Variants in WDR7 observed in about 807,000 individuals in gnomAD.
WDR7 encodes WD repeat domain 7, also known as WD repeat-containing protein 7.
A neutral mutation model predicts 169.4 loss-of-function variants in WDR7; 46 were observed. The ratio of observed to expected loss-of-function variants is 0.27; its 90% CI spans 0.21 to 0.35. The LOEUF is 0.35. WDR7 is among the 10% of genes least tolerant of loss of function. The pLI, the probability that WDR7 is intolerant of heterozygous loss-of-function variation, is 1.00. For synonymous variants in WDR7, 612 were observed against 666.8 expected, an observed-to-expected ratio of 0.92 and a Z score of 1.27; for missense variants, 1,534 against 1,859.3, an observed-to-expected ratio of 0.83 and a Z score of 3.22.
intron 26 of WDR7, among the ~76,000 whole-genome samples, chr18:56,982,947 A>G (rs905936375): frequency 2.0e-4 from 30 of 152,220 alleles, no homozygotes; most frequent in African/African-American, 7.0e-4. Flanking sequence ...TCCTCAGCCA[A>G]TAAGAGAAAA....
intron 1 of WDR7, among the ~76,000 whole-genome samples, chr18:56,663,072 C>T (rs900914388): frequency 6.6e-6 from 1 of 152,246 alleles, no homozygotes; most frequent in Non-Finnish European, 1.5e-5. Context: ...CCTCTCACTG[C>T]GTCCTCACAG....
chr18:56,735,696 A>G (rs1285908208), intron 14 of WDR7, among the ~76,000 whole-genome samples: 1 of 152,188 alleles, frequency 6.6e-6, no homozygotes, highest in African/African-American at 2.4e-5. Flanking sequence ...AACTCTTTCT[A>G]TAAAGGGCTA....
chr18:56,756,450 T>G (rs1442182702), intron 14 of WDR7, 133 bp from the exon 15 acceptor site: 2 of 789,168 alleles, frequency 2.5e-6, no homozygotes, highest in African/African-American at 3.5e-5. Context: ...AGTATGTTAC[T>G]TTTCATGATA....
At chr18:56,753,566 C>T (rs568118748) in intron 14 of WDR7, among the ~76,000 whole-genome samples, 6 of 152,142 alleles carry the variant, frequency 3.9e-5, no homozygotes, top group African/African-American at 1.4e-4. Flanking sequence ...GACTAACTTC[C>T]TTGGCAGAAT....
intron 20 of WDR7, among the ~76,000 whole-genome samples, chr18:56,868,912 T>TA (rs1391513026): frequency 3.3e-5 from 5 of 152,290 alleles, no homozygotes; most frequent in Admixed American, 1.3e-4. Context: ...TTGGGATTAC[T>TA]AAAATCTCAA....
At position 56,939,329 on chromosome 18, in the gene WDR7, T is replaced by C. The variant is rs1428973283; in HGVS notation, c.4000T>C (p.Tyr1334His). Residue 1334 changes from tyrosine (Y) to histidine (H), a missense_variant, in exon 25 of 28, where the codon TAC becomes CAC. Physicochemically the swap from Tyr to His is moderately conservative, Grantham distance 83. Transcript: ENST00000254442. ...GTCAAAGGTTATGGACATCATTATG[T>C]ACTGCCTTGAAGGATCTTTAGTTAA... Reference protein sequence around the residue: ...LLVEVMDIIMYCLEGSLVKKK... With the variant: ...LLVEVMDIIMHCLEGSLVKKK... 6.3e-7 allele frequency: 1 copy of C among 1,576,128 alleles called. No individual in the cohort carries two copies. The highest frequency in any genetic ancestry group is 1.2e-5 in the South Asian group (1 of 82,632).
chr18:56,707,540 T>G (rs971900060), intron 12 of WDR7, among the ~76,000 whole-genome samples: 1 of 151,738 alleles, frequency 6.6e-6, no homozygotes, highest in Non-Finnish European at 1.5e-5. Flanking sequence ...CTAAGTACCA[T>G]TCTTTCCTGC....
At chr18:56,937,777 C>G (rs1282452617) in intron 23 of WDR7, among the ~76,000 whole-genome samples, 3 of 152,120 alleles carry the variant, frequency 2.0e-5, no homozygotes, top group East Asian at 3.8e-4. Flanking sequence ...GGGCACTGAT[C>G]CCCCTAGCAG....
At chr18:56,783,363 A>G (rs2044348593) in intron 19 of WDR7, among the ~76,000 whole-genome samples, 1 of 152,174 alleles carries the variant, frequency 6.6e-6, no homozygotes, top group South Asian at 2.1e-4. Context: ...ATTTGTGGGC[A>G]TTAACTTTAT....
intron 20 of WDR7, among the ~76,000 whole-genome samples, chr18:56,861,787 T>A (rs1373828245): frequency 6.6e-6 from 1 of 152,174 alleles, no homozygotes; most frequent in African/African-American, 2.4e-5. Context: ...ATAATATTGA[T>A]CTCTGCTCCT....
In WDR7 at chr18:56,656,226, T is replaced by G. The variant is rs373899600; in HGVS notation, c.-20+4650T>G. ...ATTTTACATTTCTACCAGGAATGTA[T>G]GAGAGATTGCATTTCTTTGCATCGT... On this transcript the variant is annotated intron_variant, in intron 1 of 27. Transcript: ENST00000254442. Among the ~76,000 whole-genome samples the G allele has an allele frequency of 2.6e-5, 4 of 152,122 alleles. No individual in the cohort carries two copies. The South Asian group carries it at 6.2e-4, about 24-fold the overall frequency.
chr18:56,856,569 A>G (rs1023815052), intron 20 of WDR7, among the ~76,000 whole-genome samples: 1 of 151,758 alleles, frequency 6.6e-6, no homozygotes, highest in Non-Finnish European at 1.5e-5. Flanking sequence ...ATAGAAAACT[A>G]TAATTTTTAA....
rs1449131456 is a variant in WDR7, at chr18:57,004,017, G to GTGTA, written c.4165-16724_4165-16721dup. The stretch of plus-strand genomic sequence containing the variant: ...GCATTATATTATACCCTCCACATGT[G>GTGTA]TGTATGTGTGTGTGCGCGCACACAC... On this transcript the variant is annotated intron_variant, in intron 26 of 27. Transcript: ENST00000254442. 3.3e-5 allele frequency among the ~76,000 whole-genome samples: 5 copies of GTGTA among 151,922 alleles called. No homozygotes were observed. In the East Asian group the frequency reaches 9.7e-4, roughly 30 times the overall value.
intron 22 of WDR7, among the ~76,000 whole-genome samples, chr18:56,933,421 T>A (rs2046917992): frequency 6.6e-6 from 1 of 152,250 alleles, no homozygotes; most frequent in Non-Finnish European, 1.5e-5. Flanking sequence ...TTCTGATAAC[T>A]CTGTAGATGT....
chr18:56,937,684 G>A (rs1568276102), intron 23 of WDR7, among the ~76,000 whole-genome samples: 1 of 152,100 alleles, frequency 6.6e-6, no homozygotes, highest in Non-Finnish European at 1.5e-5. Context: ...TAATTGTAAA[G>A]CACTTAGAGA....
intron 26 of WDR7, among the ~76,000 whole-genome samples, chr18:56,965,660 A>T (rs1003281398): frequency 2.0e-5 from 3 of 152,152 alleles, no homozygotes; most frequent in Non-Finnish European, 2.9e-5. Context: ...CTACAATGTC[A>T]GAATTGAGTA....
intron 20 of WDR7, among the ~76,000 whole-genome samples, chr18:56,841,172 G>A (rs576646555): frequency 1.2e-3 from 185 of 152,138 alleles, no homozygotes; most frequent in African/African-American, 4.1e-3. Context: ...CAGCCTGGGT[G>A]ACAGAGTGAG....
At chr18:56,853,538 A>C (rs1341769665) in intron 20 of WDR7, among the ~76,000 whole-genome samples, 1 of 152,166 alleles carries the variant, frequency 6.6e-6, no homozygotes, top group Admixed American at 6.6e-5. Flanking sequence ...TATTTCGTTT[A>C]ATCAGTCAGT....
At chr18:56,721,870 T>C (rs369994096) in intron 13 of WDR7, among the ~76,000 whole-genome samples, 2 of 152,248 alleles carry the variant, frequency 1.3e-5, no homozygotes, top group African/African-American at 4.8e-5. Flanking sequence ...ATCATATTTC[T>C]ATTCCTTATG....
Sources: allele counts gnomAD v4.1 joint callset (sites outside exome capture counted in the v4.1 genomes callset), GRCh38; gene constraint gnomAD v4.1.1; transcripts MANE v1.5; gene names NCBI Gene and HGNC (gene_info 2026-07-23, HGNC 2026-07-21).